The following TOR3A variants were observed in gnomAD, a reference collection of about 807,000 sequenced individuals.
TOR3A encodes the protein torsin family 3 member A, also known as torsin-3A.
Under a neutral mutation model 42.1 loss-of-function variants are expected in TOR3A, and 44 were observed. The ratio of observed to expected loss-of-function variants is 1.04; its 90% CI spans 0.82 to 1.34. The LOEUF is 1.34. Among genes scored for constraint, TOR3A ranks in the 40% most tolerant of loss-of-function variants. TOR3A has a pLI of 0.00. For missense variants in TOR3A, 521 were observed against 507.6 expected (o/e 1.03, Z -0.25); for synonymous variants, 227 against 213.2 (o/e 1.06, Z -0.57).
rs1469478454 is a variant in TOR3A, at chr1:179,087,972, T to G, written c.701T>G (p.Phe234Cys). 2 of 1,612,870 alleles carry G rather than the reference T, an allele frequency of 1.2e-6. No homozygotes were observed. Among genetic ancestry groups the G allele is most frequent in the Non-Finnish European group, 1.7e-6 (2 of 1,179,516 alleles). ...QQLCHQTLFI[F>C]DEAEKLHPGL... ...CTCTGCCACCAGACCCTGTTCATCT[T>G]CGATGAAGCGGAGAAGCTGCACCCA... Residue 234 changes from phenylalanine (F) to cysteine (C), a missense_variant, in exon 4 of 6, where the codon TTC (phenylalanine) becomes TGC (cysteine). By Grantham distance (205) the Phe-to-Cys change is radical (BLOSUM62 -2). Coordinates refer to ENST00000367627, the MANE Select transcript of TOR3A (RefSeq NM_022371.4).
rs1289901595 is a variant in TOR3A, at chr1:179,088,000, GC to G, written c.730del (p.Leu244CysfsTer9). ...FDEAEKLHPGLLEVLGPHLER... is the reference protein window; with the variant it reads ...FDEAEKLHPGXLEVLGPHLER... ...ATGAAGCGGAGAAGCTGCACCCAGG[GC>G]TGCTGGAGGTCCTTGGGCCACACTT... On this transcript the variant is annotated frameshift_variant, in exon 4 of 6. Coordinates refer to ENST00000367627, the MANE Select transcript of TOR3A (RefSeq NM_022371.4). LOFTEE classifies it high-confidence loss of function. The G allele has an allele frequency of 8.1e-6, 13 of 1,613,598 alleles. No homozygotes were observed. The highest frequency in any genetic ancestry group is 1.1e-5 in the Non-Finnish European group (13 of 1,179,820).
rs1652472718 is a variant in TOR3A, at chr1:179,087,823, A to C, written c.640-88A>C. 1.0e-5 allele frequency: 14 copies of C among 1,337,592 alleles called. 2 individuals are homozygous for C. In the South Asian group the frequency reaches 2.1e-4, roughly 21 times the overall value. The allele number at this position is 1,337,592 out of a possible 1,614,324, so 82.9% of individuals were successfully genotyped here. ...TGGGGAACCCAGCCCCAGGGGGTCC[A>C]TTGCACATGCCCAGGGGAAACCACG... On this transcript the variant is annotated intron_variant, in intron 3 of 5. Coordinates refer to ENST00000367627, the MANE Select transcript of TOR3A (RefSeq NM_022371.4).
chr1:179,088,018 G>A lies in TOR3A; in HGVS notation c.747G>A (p.Gly249=). ...ACCCAGGGCTGCTGGAGGTCCTTGG[G>A]CCACACTTAGAACGCCGGGCCCCTG... The part of the protein sequence containing the change: ...KLHPGLLEVL[G]PHLERRAPEG... Residue 249 remains glycine, a synonymous_variant, in exon 4 of 6, where the codon GGG becomes GGA. Transcript: ENST00000367627. 6.2e-7 allele frequency: 1 copy of A among 1,613,642 alleles called. No individual in the cohort carries two copies. The highest frequency in any genetic ancestry group is 8.5e-7 in the Non-Finnish European group (1 of 1,179,768).
At position 179,094,836 on chromosome 1, in the gene TOR3A, C is replaced by G; in HGVS notation, c.944-132C>G. 4 of 846,182 alleles carry G rather than the reference C, an allele frequency of 4.7e-6. No individual in the cohort carries two copies. The South Asian group carries it at 6.2e-5, about 13-fold the overall frequency. The allele number at this position is 846,182 out of a possible 1,614,324, so 52.4% of individuals were successfully genotyped here. ...GAGGCTGCAAGGAGCCCAGATCTCA[C>G]CACTGCACTCCAGCCTGGTTGACAG... On this transcript the variant is annotated intron_variant, in intron 5 of 5. Coordinates refer to ENST00000367627, the MANE Select transcript of TOR3A (RefSeq NM_022371.4).
chr1:179,082,449 T>C lies in TOR3A; in HGVS notation c.259+62T>C, dbSNP rs1168806713. On this transcript the variant is annotated intron_variant, in intron 1 of 5. Coordinates refer to ENST00000367627, the MANE Select transcript of TOR3A (RefSeq NM_022371.4). ...GAGCAGAGTGCGATCCGGGCGCGGCTGTGGTCGCCTCGCTCCTGTCCGGGG... is the reference window on the plus strand; with the variant it reads ...GAGCAGAGTGCGATCCGGGCGCGGCCGTGGTCGCCTCGCTCCTGTCCGGGG... 25 of 1,532,968 alleles carry C rather than the reference T, an allele frequency of 1.6e-5. 1 individual carries two copies. In the Admixed American group the frequency reaches 5.1e-4, roughly 31 times the overall value. The allele number at this position is 1,532,968 out of a possible 1,614,324, so 95.0% of individuals were successfully genotyped here. A position where few individuals can be genotyped will look rare whatever the true frequency, so the allele number is the denominator to read the frequency against.
intron 1 of TOR3A, chr1:179,082,606 C>T (rs1652320938): frequency 4.0e-6 from 3 of 741,290 alleles, no homozygotes; most frequent in Non-Finnish European, 7.0e-6. Context: ...CCCCTGGCGC[C>T]CGGCTTCCCG....
At chr1:179,088,189 A>C in intron 4 of TOR3A, 100 bp downstream of exon 4, 3 of 1,274,156 alleles carry the variant, frequency 2.4e-6, no homozygotes, top group Non-Finnish European at 3.2e-6. Flanking sequence ...ACCTTTCCTC[A>C]AGAAAAAACA....
In TOR3A at chr1:179,087,962, C is replaced by T; in HGVS notation, c.691C>T (p.Leu231=). The T allele has an allele frequency of 2.5e-6, 4 of 1,611,802 alleles. No homozygotes were observed. The highest frequency in any genetic ancestry group is 2.5e-6 in the Non-Finnish European group (3 of 1,179,176). ...RETQQLCHQT[L]FIFDEAEKLH... is the part of the protein sequence containing the mutation. ...GACGCAGCAGCTCTGCCACCAGACC[C>T]TGTTCATCTTCGATGAAGCGGAGAA... Residue 231 remains leucine (L), a synonymous_variant, in exon 4 of 6, where the codon CTG becomes TTG. Transcript: ENST00000367627.
rs1652416028 is a variant in TOR3A at position 179,085,676 on chromosome 1, A to G, written c.422A>G (p.Gln141Arg). Reference sequence around the variant, plus strand: ...CGGCTGCATGGCCAGCATTTGGTCCAGCAGCTGGTCCTAAGAACAGTGAGG... The same window carrying G: ...CGGCTGCATGGCCAGCATTTGGTCCGGCAGCTGGTCCTAAGAACAGTGAGG... ...NVRLHGQHLV[Q>R]QLVLRTVRGY... Residue 141 changes from glutamine (Q) to arginine (R), a missense_variant, in exon 3 of 6, where the codon CAG (glutamine) becomes CGG (arginine). By Grantham distance (43) the Gln-to-Arg change is conservative (BLOSUM62 1). Transcript: ENST00000367627. 6.2e-7 allele frequency: 1 copy of G among 1,614,220 alleles called. No homozygotes were observed. The highest frequency in any genetic ancestry group is 8.5e-7 in the Non-Finnish European group (1 of 1,180,040).
chr1:179,089,588 G>A (rs1373544467), intron 4 of TOR3A, among the ~76,000 whole-genome samples: 2 of 152,132 alleles, frequency 1.3e-5, no homozygotes, highest in African/African-American at 2.4e-5. Context: ...TCCCACCTTC[G>A]GAGGCAGCCG....
intron 4 of TOR3A, among the ~76,000 whole-genome samples, chr1:179,089,044 C>T (rs1403067420): frequency 3.9e-5 from 6 of 152,036 alleles, no homozygotes; most frequent in Non-Finnish European, 5.9e-5. Context: ...TGATTTTCAT[C>T]CTAGCTTGGG....
At chr1:179,084,671 G>A (rs2102541756) in intron 2 of TOR3A, among the ~76,000 whole-genome samples, 1 of 152,334 alleles carries the variant, frequency 6.6e-6, no homozygotes, top group South Asian at 2.1e-4. Context: ...TTGGAGCAAT[G>A]TGTGATGCCC....
chr1:179,085,422 C>CAAAA (rs369392265), intron 2 of TOR3A: 60 of 446,694 alleles, frequency 1.3e-4, no homozygotes, highest in African/African-American at 1.2e-3. Context: ...GACTCCATCT[C>CAAAA]AAAAAAAAAA....
At chr1:179,088,705 A>G (rs1224630928) in intron 4 of TOR3A, among the ~76,000 whole-genome samples, 1 of 152,168 alleles carries the variant, frequency 6.6e-6, no homozygotes, top group Non-Finnish European at 1.5e-5. Context: ...ACCATGCGGG[A>G]CCCAGTCACT....
intron 2 of TOR3A, 68 bp from the exon 3 acceptor site, chr1:179,085,560 C>G: frequency 6.3e-7 from 1 of 1,576,158 alleles, no homozygotes; most frequent in Non-Finnish European, 8.7e-7. Flanking sequence ...GGTTTCTTGG[C>G]TGTTGGCTGT....
In TOR3A at chr1:179,095,231, G is replaced by A; in HGVS notation, c.*13G>A. 1 of 1,613,224 alleles carries A rather than the reference G, an allele frequency of 6.2e-7. No homozygotes were observed. Among genetic ancestry groups the A allele is most frequent in the Non-Finnish European group, 8.5e-7 (1 of 1,179,700 alleles). Reference sequence around the variant, plus strand: ...CTTCCTGTCATGAAGGCTAGAGGAAGACTTCCTGGAACTGCCTTTCTTCCA... The same window carrying A: ...CTTCCTGTCATGAAGGCTAGAGGAAAACTTCCTGGAACTGCCTTTCTTCCA... On this transcript the variant is annotated 3_prime_UTR_variant, in exon 6 of 6. Coordinates refer to ENST00000367627, the MANE Select transcript of TOR3A (RefSeq NM_022371.4).
At chr1:179,087,242 G>A (rs1652458883) in intron 3 of TOR3A, among the ~76,000 whole-genome samples, 1 of 152,206 alleles carries the variant, frequency 6.6e-6, no homozygotes, top group South Asian at 2.1e-4. Flanking sequence ...TCTTGCCTGG[G>A]GCAAGGAACC....
At chr1:179,083,952 T>C (rs1355779879) in intron 2 of TOR3A, among the ~76,000 whole-genome samples, 1 of 152,122 alleles carries the variant, frequency 6.6e-6, no homozygotes, top group Non-Finnish European at 1.5e-5. Context: ...AAAATGCCAA[T>C]AACACAGTGT....
At chr1:179,086,668 A>G (rs1652446735) in intron 3 of TOR3A, among the ~76,000 whole-genome samples, 3 of 30,892 alleles carry the variant, frequency 9.7e-5, no homozygotes, top group Admixed American at 7.5e-4. Context: ...TCCATCTCAA[A>G]AAAAAAAAAA....
Sources: allele counts gnomAD v4.1 joint callset (sites outside exome capture counted in the v4.1 genomes callset), GRCh38; gene constraint gnomAD v4.1.1; transcripts MANE v1.5; gene names NCBI Gene and HGNC (gene_info 2026-07-23, HGNC 2026-07-21).